Variants in GART observed in about 807,000 individuals in gnomAD.
The protein encoded by GART is phosphoribosylglycinamide formyltransferase, phosphoribosylglycinamide synthetase, phosphoribosylaminoimidazole synthetase, also known as trifunctional purine biosynthetic protein adenosine-3.
In GART, 43 loss-of-function variants were observed where a neutral mutation model predicts 107.2. That is an observed-to-expected ratio of 0.40 (90% CI 0.31 to 0.52). GART has a LOEUF of 0.52. GART is among the 20% of genes least tolerant of loss of function. The pLI, the probability that GART is intolerant of heterozygous loss-of-function variation, is 0.52. For missense variants in GART, 1,107 were observed against 1,206.5 expected, an observed-to-expected ratio of 0.92 and a Z score of 1.22; for synonymous variants, 434 against 427.0, an observed-to-expected ratio of 1.02 and a Z score of -0.20.
At chr21:33,542,891 C>G (rs1275672898), upstream of GART, 2 of 611,710 alleles carry the variant, frequency 3.3e-6, no homozygotes, top group African/African-American at 1.8e-5. Context: ...GTCAGCACCT[C>G]TACCCCAGCC....
chr21:33,512,066 AC>A (rs1166001288), intron 16 of GART, among the ~76,000 whole-genome samples: 2 of 151,982 alleles, frequency 1.3e-5, no homozygotes, highest in African/African-American at 4.8e-5. Flanking sequence ...TGGGCGGATC[AC>A]GAGGTCAGGA....
At chr21:33,511,178 TG>T in intron 17 of GART, 73 bp downstream of exon 17, 1 of 1,500,370 alleles carries the variant, frequency 6.7e-7, no homozygotes. Flanking sequence ...AGAAAGCTTG[TG>T]AGGCAAGGCT....
chr21:33,520,960 A>G lies in GART; in HGVS notation c.1449T>C (p.Gly483=). The change falls in exon 13 of 22, where the codon GGT becomes GGC. Residue 483 remains glycine (G), a synonymous_variant. Coordinates refer to ENST00000381815, the MANE Select transcript of GART (RefSeq NM_000819.5). ...CAGAGGCCAGAAGGGGATCTTTGAA[A>G]CCAGCTGCTTTTAAATCAAAAAGAC... ...FAGLFDLKAA[G]FKDPLLASGT... is the part of the protein sequence containing the mutation. 6.2e-7 allele frequency: 1 copy of G among 1,614,122 alleles called. No individual in the cohort carries two copies. Among genetic ancestry groups the G allele is most frequent in the Non-Finnish European group, 8.5e-7 (1 of 1,180,004 alleles).
chr21:33,528,032 A>G (rs2085106906), intron 10 of GART, 135 bp downstream of exon 10: 1 of 718,854 alleles, frequency 1.4e-6, no homozygotes, highest in African/African-American at 1.8e-5. Context: ...AATAAGCAAC[A>G]TGGTTAAGAC....
chr21:33,530,700 A>T, intron 7 of GART, 59 bp downstream of exon 7: 1 of 1,331,424 alleles, frequency 7.5e-7, no homozygotes, highest in Non-Finnish European at 9.7e-7. Flanking sequence ...AGTATCATCT[A>T]AGAGTTCTCT....
At chr21:33,519,670 G>C (rs1016222525) in intron 14 of GART, among the ~76,000 whole-genome samples, 3 of 151,508 alleles carry the variant, frequency 2.0e-5, no homozygotes, top group Non-Finnish European at 4.4e-5. Flanking sequence ...TCTACAAAAA[G>C]TACAAAAATT....
Position 33,528,549 on chromosome 21 carries a change from A to C in GART, c.867T>G (p.Phe289Leu). The stretch of plus-strand genomic sequence containing the variant: ...ACTCTGGATCACCAAAACGGCAATT[A>C]AACTCTAGAACTTTTGGGCCATTCT... The part of the protein sequence containing the change: ...LTKNGPKVLE[F>L]NCRFGDPECQ... The change falls in exon 9 of 22, where the codon TTT (phenylalanine) becomes TTG (leucine). Residue 289 changes from phenylalanine (F) to leucine (L), a missense_variant. Phe to Leu is a conservative substitution (Grantham distance 22, BLOSUM62 0). Transcript: ENST00000381815. 6.2e-7 allele frequency: 1 copy of C among 1,610,800 alleles called. No homozygotes were observed. Among genetic ancestry groups the C allele is most frequent in the South Asian group, 1.1e-5 (1 of 90,132 alleles).
chr21:33,511,455 G>A lies in GART; in HGVS notation c.2111C>T (p.Ala704Val), dbSNP rs538857590. 2.5e-6 allele frequency: 4 copies of A among 1,613,942 alleles called. No homozygotes were observed. In the African/African-American group the frequency reaches 5.3e-5, roughly 22 times the overall value. ...GACCCTGGGGATCCTCCAGGTCTGG[G>A]CATCTGAAAAAAATAGACACGAATT... ...LPEKLGVDLD[A>V]QTWRIPRVFS... The change falls in exon 17 of 22, where the codon GCC becomes GTC. Residue 704 changes from alanine (A) to valine (V), a missense_variant. Coordinates refer to ENST00000381815, the MANE Select transcript of GART (RefSeq NM_000819.5).
Position 33,534,583 on chromosome 21 carries a change from A to G in GART, c.412T>C (p.Leu138=). ...CACAGACAACCATTTACCTACCTCA[A>G]AATGAAGCTGCAGGCTTCTTCAGGT... The part of the protein sequence containing the change: ...TKPEEACSFI[L]SADFPALVVK... The change falls in exon 4 of 22, where the codon TTG becomes CTG. Residue 138 remains leucine, a synonymous_variant. Transcript: ENST00000381815. 6.2e-7 allele frequency: 1 copy of G among 1,614,042 alleles called. No homozygotes were observed.
chr21:33,503,938 G>A lies in GART; in HGVS notation c.*186C>T, dbSNP rs995161141. 14 of 481,736 alleles carry A rather than the reference G, an allele frequency of 2.9e-5. No individual in the cohort carries two copies. The highest frequency in any genetic ancestry group is 2.2e-4 in the East Asian group (7 of 32,424). 29.8% of individuals were successfully genotyped at this position (481,736 alleles called of 1,614,324 possible). A position where few individuals can be genotyped will look rare whatever the true frequency, so the allele number is the denominator to read the frequency against. Reference sequence around the variant, plus strand: ...AAGACCAAGAAAACTGTATGTCTCAGATATGCTGCACTAACTAGTCTTGTT... The same window carrying A: ...AAGACCAAGAAAACTGTATGTCTCAAATATGCTGCACTAACTAGTCTTGTT... On this transcript the variant is annotated 3_prime_UTR_variant, in exon 22 of 22. Transcript: ENST00000381815.
At chr21:33,519,648 C>CA (rs1445748894) in intron 14 of GART, among the ~76,000 whole-genome samples, 3 of 150,294 alleles carry the variant, frequency 2.0e-5, no homozygotes, top group African/African-American at 7.3e-5. Flanking sequence ...GGCAACATGG[C>CA]AAAACCCTAT....
intron 2 of GART, among the ~76,000 whole-genome samples, chr21:33,538,586 A>AAC (rs1344224876): frequency 1.8e-4 from 27 of 152,330 alleles, no homozygotes; most frequent in Admixed American, 1.6e-3. Context: ...AATACACAAC[A>AAC]AAATGCCTTT....
intron 1 of GART, among the ~76,000 whole-genome samples, chr21:33,539,792 G>T (rs1601237189): frequency 6.6e-6 from 1 of 152,058 alleles, no homozygotes; most frequent in East Asian, 1.9e-4. Context: ...GAAAAACTGG[G>T]ATTCATAATT....
At chr21:33,526,104 T>C (rs1242691769) in intron 10 of GART, among the ~76,000 whole-genome samples, 1 of 151,376 alleles carries the variant, frequency 6.6e-6, no homozygotes, top group African/African-American at 2.4e-5. Flanking sequence ...CTCCTGACCT[T>C]GCGATCTGCC....
intron 11 of GART, chr21:33,524,302 C>A: frequency 1.0e-6 from 1 of 979,322 alleles, no homozygotes; most frequent in Non-Finnish European, 1.2e-6. Context: ...ATAATCCCAG[C>A]ATTTTGGGAG....
chr21:33,514,558 T>C (rs935457181), intron 16 of GART, among the ~76,000 whole-genome samples: 2 of 152,192 alleles, frequency 1.3e-5, no homozygotes, highest in Non-Finnish European at 2.9e-5. Flanking sequence ...GGAGTATTTA[T>C]ACCACAAAAA....
chr21:33,541,062 C>T (rs2085405426), intron 1 of GART, among the ~76,000 whole-genome samples: 1 of 152,012 alleles, frequency 6.6e-6, no homozygotes, highest in South Asian at 2.1e-4. Context: ...AAATTACAGT[C>T]TCGGAAGGAA....
chr21:33,536,400 G>C (rs1166376978), intron 2 of GART, among the ~76,000 whole-genome samples: 1 of 152,214 alleles, frequency 6.6e-6, no homozygotes, highest in Non-Finnish European at 1.5e-5. Flanking sequence ...ACCACCATTC[G>C]TTAAGTCAGC....
intron 10 of GART, among the ~76,000 whole-genome samples, chr21:33,525,703 A>T (rs2085060292): frequency 6.6e-6 from 1 of 151,960 alleles, no homozygotes. Context: ...ATGCAATGTA[A>T]TAGTAATTAG....
Sources: gnomAD v4.1 joint callset for allele counts (sites outside exome capture counted in the v4.1 genomes callset) on GRCh38, gnomAD v4.1.1 for gene constraint, MANE v1.5 for transcripts, NCBI Gene and HGNC (gene_info 2026-07-23, HGNC 2026-07-21) for gene names.